PLEC: variants seen among roughly 807,000 people sequenced by gnomAD.
The protein encoded by PLEC is plectin.
In PLEC, 216 loss-of-function variants were observed where a neutral mutation model predicts 392.8. That is an observed-to-expected ratio of 0.55 (90% CI 0.49 to 0.62). The LOEUF (loss-of-function observed/expected upper bound fraction) is 0.62. Ranked by LOEUF, PLEC falls within the 20% of genes least tolerant of loss-of-function variation. The pLI is 0.00. For missense variants in PLEC, 6,863 were observed against 6,563.4 expected, an observed-to-expected ratio of 1.05 and a Z score of -1.58; for synonymous variants, 3,621 against 2,980.6, an observed-to-expected ratio of 1.21 and a Z score of -7.00.
In PLEC at chr8:143,919,477, G is replaced by C; in HGVS notation, c.10344C>G (p.Phe3448Leu). The C allele has an allele frequency of 1.9e-6, 3 of 1,613,252 alleles. No homozygotes were observed. Among genetic ancestry groups the C allele is most frequent in the Non-Finnish European group, 1.7e-6 (2 of 1,179,884 alleles). The change falls in exon 32 of 32, where the codon TTC becomes TTG. Residue 3448 changes from phenylalanine to leucine, a missense_variant. Physicochemically the swap from Phe to Leu is conservative, Grantham distance 22 (BLOSUM62 0). Transcript: ENST00000345136. ...GAACCAGGCCCTTCTGCATGGCCTG[G>C]AAGAGGGAGATGGTGCTGCCCGAGT... ...DPYSGSTISLFQAMQKGLVLR... is the reference protein window; with the variant it reads ...DPYSGSTISLLQAMQKGLVLR...
chr8:143,931,184 A>G (rs1554714762), intron 19 of PLEC, among the ~76,000 whole-genome samples: 1 of 152,154 alleles, frequency 6.6e-6, no homozygotes, highest in African/African-American at 2.4e-5. Flanking sequence ...GCAGCTGCTG[A>G]CTTCAGGCTT....
rs1554669143 is a variant in PLEC, at chr8:143,916,456, C to G, written c.13365G>C (p.Val4455=). The change falls in exon 32 of 32, where the codon GTG becomes GTC. Residue 4455 remains valine, a synonymous_variant. Coordinates refer to ENST00000345136, the MANE Select transcript of PLEC (RefSeq NM_201384.3). Reference sequence around the variant, plus strand: ...GCAGCCGCAGCCCCGTGCCCTCCTCCACCATGCTGCGGTCCAGCGCGTCCT... The same window carrying G: ...GCAGCCGCAGCCCCGTGCCCTCCTCGACCATGCTGCGGTCCAGCGCGTCCT... ...SYKDALDRSM[V]EEGTGLRLLE... 1 of 1,611,926 alleles carries G rather than the reference C, an allele frequency of 6.2e-7. No individual in the cohort carries two copies.
chr8:143,930,911 C>T (rs1827051420), intron 19 of PLEC, among the ~76,000 whole-genome samples: 1 of 152,186 alleles, frequency 6.6e-6, no homozygotes, highest in South Asian at 2.1e-4. Flanking sequence ...CACCTGGGAG[C>T]TGCCGGCTCT....
At position 143,930,305 on chromosome 8, in the gene PLEC, C is replaced by T. The variant is rs372799330; in HGVS notation, c.2458-7G>A. The T allele has an allele frequency of 1.5e-4, 247 of 1,599,870 alleles. 6 individuals carry two copies. The highest frequency in any genetic ancestry group is 1.5e-3 in the South Asian group (135 of 89,758). On this transcript the variant is annotated splice_polypyrimidine_tract_variant and splice_region_variant and intron_variant, in intron 20 of 31. Coordinates refer to ENST00000345136, the MANE Select transcript of PLEC (RefSeq NM_201384.3). Reference sequence around the variant, plus strand: ...CACCCTTGTGCACAGTCACCTGGGACGGGCAGAGTCGGTGAGGACATGGCC... The same window carrying T: ...CACCCTTGTGCACAGTCACCTGGGATGGGCAGAGTCGGTGAGGACATGGCC...
At chr8:143,952,220 A>ACACACACACGCG (rs782520190), upstream of PLEC, among the ~76,000 whole-genome samples, 101 of 139,882 alleles carry the variant, frequency 7.2e-4, no homozygotes, top group Middle Eastern at 3.6e-3. Flanking sequence ...GCGCGCACAC[A>ACACACACACGCG]CGCACGCGCA....
chr8:143,943,987 G>A (rs1831006228), upstream of PLEC: 11 of 1,531,156 alleles, frequency 7.2e-6, no homozygotes, highest in South Asian at 8.3e-5. Flanking sequence ...GCGAGCGAGG[G>A]GGAGCGCCGG....
At position 143,935,725 on chromosome 8, in the gene PLEC, C is replaced by A. The variant is rs1828871774; in HGVS notation, c.602+123G>T. 9 of 1,086,430 alleles carry A rather than the reference C, an allele frequency of 8.3e-6. No individual in the cohort carries two copies. In the East Asian group the frequency reaches 2.3e-4, roughly 28 times the overall value. 67.3% of individuals were successfully genotyped at this position (1,086,430 alleles called of 1,614,324 possible). ...CCTGAACTCCACCACCCCGAGGCGGCCAGCTGGCACTCATCCCTGTTCCTC... is the reference window on the plus strand; with the variant it reads ...CCTGAACTCCACCACCCCGAGGCGGACAGCTGGCACTCATCCCTGTTCCTC... On this transcript the variant is annotated intron_variant, in intron 6 of 31. Transcript: ENST00000345136.
chr8:143,921,528 G>A lies in PLEC; in HGVS notation c.8293C>T (p.His2765Tyr), dbSNP rs1554686100. The A allele has an allele frequency of 1.9e-6, 3 of 1,612,896 alleles. No individual in the cohort carries two copies. The highest frequency in any genetic ancestry group is 1.7e-5 in the Admixed American group (1 of 60,012). Residue 2765 changes from histidine (H) to tyrosine (Y), a missense_variant, in exon 32 of 32, where the codon CAC becomes TAC. By Grantham distance (83) the His-to-Tyr change is moderately conservative (BLOSUM62 2). Coordinates refer to ENST00000345136, the MANE Select transcript of PLEC (RefSeq NM_201384.3). ...GCGCGCTCGGCCGACAGCAGCTTGT[G>A]GTGCAGCTCGGGGCCCACCACACCC... is the stretch of plus-strand genomic sequence containing the variant. The part of the protein sequence containing the change: ...KEGVVGPELH[H>Y]KLLSAERAVT...
In PLEC at chr8:143,923,364, T is replaced by A. The variant is rs782026559; in HGVS notation, c.6565A>T (p.Thr2189Ser). Residue 2189 changes from threonine (T) to serine (S), a missense_variant, in exon 31 of 32, where the codon ACA (threonine) becomes TCA (serine). Physicochemically the swap from Thr to Ser is moderately conservative, Grantham distance 58 (BLOSUM62 1). Coordinates refer to ENST00000345136, the MANE Select transcript of PLEC (RefSeq NM_201384.3). Reference sequence around the variant, plus strand: ...TCCTCCAGCTGCAGCCGCAGTGTTGTCAGCTCCTGCTCCACCTGCGCCTTC... The same window carrying A: ...TCCTCCAGCTGCAGCCGCAGTGTTGACAGCTCCTGCTCCACCTGCGCCTTC... ...RQKAQVEQEL[T>S]TLRLQLEETD... The A allele has an allele frequency of 3.1e-6, 5 of 1,610,634 alleles. No individual in the cohort carries two copies. The highest frequency in any genetic ancestry group is 4.2e-6 in the Non-Finnish European group (5 of 1,179,510).
rs1554721326 is a variant in PLEC, at chr8:143,934,744, G to A, written c.946-14C>T. On this transcript the variant is annotated splice_polypyrimidine_tract_variant and intron_variant, in intron 9 of 31. Transcript: ENST00000345136. ...AGACCACAGGATCTGCCAGGGACGA[G>A]GCTGTCGGCAACCACGCCGGGCTCT... 2 of 1,612,302 alleles carry A rather than the reference G, an allele frequency of 1.2e-6. No homozygotes were observed. Among genetic ancestry groups the A allele is most frequent in the South Asian group, 1.1e-5 (1 of 91,090 alleles).
Position 143,919,574 on chromosome 8 carries a change from C to A in PLEC, c.10247G>T (p.Gly3416Val). 6.2e-7 allele frequency: 1 copy of A among 1,603,632 alleles called. No homozygotes were observed. Among genetic ancestry groups the A allele is most frequent in the Non-Finnish European group, 8.5e-7 (1 of 1,176,586 alleles). Reference sequence around the variant, plus strand: ...CTCGTGAAGCTCGGGGCCCACCACGCCCGCCTTCACGGCCTCGTGGACATA... The same window carrying A: ...CTCGTGAAGCTCGGGGCCCACCACGACCGCCTTCACGGCCTCGTGGACATA... The part of the protein sequence containing the change: ...RLYVHEAVKA[G>V]VVGPELHEQL... The change falls in exon 32 of 32, where the codon GGC becomes GTC. Residue 3416 changes from glycine (G) to valine (V), a missense_variant. By Grantham distance (109) the Gly-to-Val change is moderately radical. Transcript: ENST00000345136.
chr8:143,953,571 G>T (rs1554738056), upstream of PLEC, among the ~76,000 whole-genome samples: 1 of 151,986 alleles, frequency 6.6e-6, no homozygotes, highest in Non-Finnish European at 1.5e-5. Context: ...CCCGGAGGGG[G>T]ACGAGTCTGG....
At chr8:143,975,348 C>T (rs1554745729), upstream of PLEC, 4 of 1,609,760 alleles carry the variant, frequency 2.5e-6, no homozygotes, top group Admixed American at 6.7e-5. The surrounding 1 kb of genome is among the most constrained non-coding windows in gnomAD (Gnocchi z 9.9). Context: ...ACTGCCCGGA[C>T]CTCAGCGTCC....
chr8:143,946,116 C>T (rs1831430766), intron 1 of PLEC, among the ~76,000 whole-genome samples: 1 of 152,236 alleles, frequency 6.6e-6, no homozygotes, highest in South Asian at 2.1e-4. Context: ...GGAGGAGTGC[C>T]CCAGGCTGGC....
Position 143,950,294 on chromosome 8 carries a change from C to G in PLEC, c.413G>C (p.Arg138Pro), listed in dbSNP as rs374484619. 3.8e-6 allele frequency: 6 copies of G among 1,570,638 alleles called. No individual in the cohort carries two copies. In the East Asian group the frequency reaches 9.4e-5, roughly 25 times the overall value. The change falls in exon 1 of 32, where the codon CGG (arginine) becomes CCG (proline). Residue 138 changes from arginine (R) to proline (P), a missense_variant. Physicochemically the swap from Arg to Pro is moderately radical, Grantham distance 103. Coordinates refer to the PLEC transcript ENST00000322810. ...CTCAAGCTCCTTCCGACGGTAGACCCGCTGCTCCTCCGTCGGCAGCGGCCC... is the reference window on the plus strand; with the variant it reads ...CTCAAGCTCCTTCCGACGGTAGACCGGCTGCTCCTCCGTCGGCAGCGGCCC...
intron 19 of PLEC, among the ~76,000 whole-genome samples, chr8:143,930,915 C>G (rs564636486): frequency 1.3e-5 from 2 of 152,280 alleles, no homozygotes; most frequent in Admixed American, 6.5e-5. Context: ...TGGGAGCTGC[C>G]GGCTCTCCCC....
At position 143,917,599 on chromosome 8, in the gene PLEC, C is replaced by T. The variant is rs782668739; in HGVS notation, c.12222G>A (p.Glu4074=). ...EVAYKRGLFD[E]EMNEILTDPS... is the part of the protein sequence containing the mutation. ...GGTCGGTCAGGATCTCGTTCATCTC[C>T]TCATCGAAGAGGCCGCGCTTGTAGG... Residue 4074 remains glutamate, a synonymous_variant, in exon 32 of 32, where the codon GAG becomes GAA. Transcript: ENST00000345136. 9 of 1,613,862 alleles carry T rather than the reference C, an allele frequency of 5.6e-6. No homozygotes were observed. Among genetic ancestry groups the T allele is most frequent in the Middle Eastern group, 1.6e-4 (1 of 6,062 alleles).
In PLEC at chr8:143,921,652, G is replaced by A. The variant is rs375387549; in HGVS notation, c.8169C>T (p.Pro2723=). 1.7e-4 allele frequency: 280 copies of A among 1,613,054 alleles called. No homozygotes were observed. The highest frequency in any genetic ancestry group is 2.1e-4 in the Non-Finnish European group (243 of 1,179,926). The part of the protein sequence containing the change: ...YAALQRQLLS[P]GTALILLEAQ... Reference sequence around the variant, plus strand: ...CCTCCAGCAGGATGAGGGCCGTGCCGGGACTCAGCAGCTGCCTCTGCAGGG... The same window carrying A: ...CCTCCAGCAGGATGAGGGCCGTGCCAGGACTCAGCAGCTGCCTCTGCAGGG... The change falls in exon 32 of 32, where the codon CCC becomes CCT. Residue 2723 remains proline, a synonymous_variant. Coordinates refer to ENST00000345136, the MANE Select transcript of PLEC (RefSeq NM_201384.3).
intron 25 of PLEC, among the ~76,000 whole-genome samples, chr8:143,928,697 G>A (rs938706620): frequency 2.0e-5 from 3 of 152,206 alleles, no homozygotes; most frequent in Non-Finnish European, 2.9e-5. Context: ...AACACAGGAA[G>A]AGACTATGAC....
Sources: gnomAD v4.1 joint callset for allele counts (sites outside exome capture counted in the v4.1 genomes callset) on GRCh38, gnomAD v4.1.1 for gene constraint, Gnocchi (gnomAD v3.1) non-coding constraint, MANE v1.5 for transcripts, NCBI Gene and HGNC (gene_info 2026-07-23, HGNC 2026-07-21) for gene names.